The following ZNF608 variants were observed in gnomAD, a reference collection of about 807,000 sequenced individuals.
ZNF608 encodes renal carcinoma antigen NY-REN-36.
ZNF608 carries 12 observed loss-of-function variants against 109.0 expected under a neutral mutation model. That is an observed-to-expected ratio of 0.11 (90% CI 0.07 to 0.18). The LOEUF is 0.18. Ranked by LOEUF, ZNF608 falls within the 10% of genes least tolerant of loss-of-function variation. The pLI, the probability that ZNF608 is intolerant of heterozygous loss-of-function variation, is 1.00. For missense variants in ZNF608, 1,707 were observed against 1,879.3 expected, an observed-to-expected ratio of 0.91 and a Z score of 1.70; for synonymous variants, 732 against 717.4, an observed-to-expected ratio of 1.02 and a Z score of -0.33.
intron 2 of ZNF608, among the ~76,000 whole-genome samples, chr5:124,704,797 T>A (rs1420536782): frequency 1.3e-5 from 2 of 151,984 alleles, no homozygotes; most frequent in Admixed American, 1.3e-4. Context: ...AATCACAGAA[T>A]GTCGCCTAGC....
chr5:124,681,465 G>A (rs1752194219), intron 3 of ZNF608, among the ~76,000 whole-genome samples: 1 of 151,798 alleles, frequency 6.6e-6, no homozygotes, highest in Non-Finnish European at 1.5e-5. Context: ...TCAAAAAATA[G>A]AAAAGAAAAG....
intron 2 of ZNF608, among the ~76,000 whole-genome samples, chr5:124,741,740 TG>T (rs778077282): frequency 5.9e-5 from 9 of 152,188 alleles, no homozygotes; most frequent in Non-Finnish European, 1.0e-4. Flanking sequence ...GTTACTTTCC[TG>T]GGTGGCATTC....
intron 2 of ZNF608, among the ~76,000 whole-genome samples, chr5:124,728,375 G>A (rs1161007668): frequency 2.0e-5 from 3 of 152,144 alleles, no homozygotes; most frequent in African/African-American, 7.2e-5. Context: ...TAGCCAAGGG[G>A]ATCAAAGCAA....
intron 3 of ZNF608, among the ~76,000 whole-genome samples, chr5:124,698,349 C>A (rs755400605): frequency 6.6e-6 from 1 of 152,180 alleles, no homozygotes; most frequent in African/African-American, 2.4e-5. Context: ...ATGACCCAGG[C>A]CTTTACTAAG....
intron 7 of ZNF608, 134 bp downstream of exon 7, chr5:124,643,377 C>T (rs930706086): frequency 1.5e-5 from 12 of 780,388 alleles, no homozygotes; most frequent in Admixed American, 6.0e-5. Flanking sequence ...CCATTCTTTA[C>T]GTATTAGGAT....
intron 2 of ZNF608, among the ~76,000 whole-genome samples, chr5:124,711,481 A>G (rs2149866609): frequency 6.6e-6 from 1 of 152,346 alleles, no homozygotes; most frequent in South Asian, 2.1e-4. Flanking sequence ...GAAGACTATT[A>G]TTTCAACTCC....
chr5:124,688,768 T>C (rs1752495869), intron 3 of ZNF608, among the ~76,000 whole-genome samples: 1 of 152,254 alleles, frequency 6.6e-6, no homozygotes, highest in Non-Finnish European at 1.5e-5. Context: ...TAATGGAATT[T>C]AAATTAAATT....
chr5:124,665,969 G>C (rs550656440), intron 3 of ZNF608, among the ~76,000 whole-genome samples: 3 of 152,312 alleles, frequency 2.0e-5, no homozygotes, highest in African/African-American at 7.2e-5. Flanking sequence ...AAAGAAAACA[G>C]AGCTTTTATA....
chr5:124,644,960 A>G (rs1327216854), intron 5 of ZNF608, among the ~76,000 whole-genome samples: 1 of 152,204 alleles, frequency 6.6e-6, no homozygotes, highest in Non-Finnish European at 1.5e-5. Context: ...CTTCAAACTC[A>G]GGTCTGCTGA....
intron 3 of ZNF608, among the ~76,000 whole-genome samples, chr5:124,695,856 A>G (rs1482679863): frequency 6.6e-6 from 1 of 152,134 alleles, no homozygotes; most frequent in African/African-American, 2.4e-5. Context: ...TAGGAGAAGC[A>G]GAAGAATTTT....
chr5:124,732,536 T>A (rs936925580), intron 2 of ZNF608, among the ~76,000 whole-genome samples: 58 of 151,058 alleles, frequency 3.8e-4, no homozygotes, highest in Non-Finnish European at 7.1e-4. Context: ...GGGGTTTTTT[T>A]GTTTGTTCAA....
At chr5:124,691,689 C>G (rs1188936764) in intron 3 of ZNF608, among the ~76,000 whole-genome samples, 1 of 152,112 alleles carries the variant, frequency 6.6e-6, no homozygotes, top group East Asian at 1.9e-4. Flanking sequence ...ATGCATGAGC[C>G]TTAAGGATAT....
chr5:124,729,310 A>G (rs546078380), intron 2 of ZNF608, among the ~76,000 whole-genome samples: 1 of 152,188 alleles, frequency 6.6e-6, no homozygotes, highest in Admixed American at 6.5e-5. Context: ...CCAGGCCTCC[A>G]AGAGCATCCC....
intron 2 of ZNF608, among the ~76,000 whole-genome samples, chr5:124,720,084 T>C (rs1753846947): frequency 6.6e-6 from 1 of 152,236 alleles, no homozygotes; most frequent in African/African-American, 2.4e-5. Context: ...AAGGTGCTAC[T>C]GAATTCAACA....
At chr5:124,705,075 C>CA (rs1193074289) in intron 2 of ZNF608, among the ~76,000 whole-genome samples, 3 of 152,148 alleles carry the variant, frequency 2.0e-5, no homozygotes, top group African/African-American at 7.2e-5. Flanking sequence ...TCACATGTAT[C>CA]ATATGTAAAG....
intron 3 of ZNF608, among the ~76,000 whole-genome samples, chr5:124,675,294 G>C (rs2149817689): frequency 6.6e-6 from 1 of 152,322 alleles, no homozygotes; most frequent in Non-Finnish European, 1.5e-5. Context: ...TCAAACGTGT[G>C]CAAATTCTTG....
At chr5:124,667,616 ATAT>A (rs1390601592) in intron 3 of ZNF608, among the ~76,000 whole-genome samples, 1 of 152,118 alleles carries the variant, frequency 6.6e-6, no homozygotes, top group Non-Finnish European at 1.5e-5. Context: ...CCTAGAACAA[ATAT>A]TATAACACTG....
chr5:124,731,556 T>C (rs761974884), intron 2 of ZNF608, among the ~76,000 whole-genome samples: 4 of 151,908 alleles, frequency 2.6e-5, no homozygotes, highest in African/African-American at 7.3e-5. Context: ...CCAGGAGTGG[T>C]GGCTCATGCC....
At chr5:124,670,600 T>G (rs1751676151) in intron 3 of ZNF608, among the ~76,000 whole-genome samples, 1 of 152,126 alleles carries the variant, frequency 6.6e-6, no homozygotes, top group African/African-American at 2.4e-5. Context: ...AACTCCTAAC[T>G]CCACCTAATC....
Sources: allele counts gnomAD v4.1 joint callset (sites outside exome capture counted in the v4.1 genomes callset), GRCh38; gene constraint gnomAD v4.1.1; transcripts MANE v1.5; gene names NCBI Gene and HGNC (gene_info 2026-07-23, HGNC 2026-07-21).